ENOX1: variants seen among roughly 807,000 people sequenced by gnomAD.
ENOX1 encodes ecto-NOX disulfide-thiol exchanger 1, also known as candidate growth-related and time keeping constitutive hydroquinone (NADH) oxidase.
ENOX1 carries 42 observed loss-of-function variants against 82.5 expected under a neutral mutation model. The observed-to-expected ratio is 0.51, with a 90% CI of 0.40 to 0.66. The LOEUF is 0.66. Ranked by LOEUF, ENOX1 falls within the 30% of genes least tolerant of loss-of-function variation. The probability of loss-of-function intolerance (pLI) is 0.00; values close to 1 mark genes in which losing one functional copy is unlikely to be tolerated. For synonymous variants in ENOX1, 271 were observed against 282.2 expected, an observed-to-expected ratio of 0.96 and a Z score of 0.40; for missense variants, 608 against 811.6, an observed-to-expected ratio of 0.75 and a Z score of 3.05.
rs35793831 is a variant in ENOX1, at chr13:43,651,970, CAAAAAAAAAAAA to C, written c.-219+15497_-219+15508del. ...GGGCAACAAGAGTGAAACTTCGTCT[CAAAAAAAAAAAA>C]AAAAAAAAAAAACTTCACTTTGAAT... On this transcript the variant is annotated intron_variant, in intron 2 of 16. Transcript: ENST00000690772. 5.9e-5 allele frequency among the ~76,000 whole-genome samples: 5 copies of C among 84,106 alleles called. 1 individual carries two copies. Among genetic ancestry groups the C allele is most frequent in the African/African-American group, 2.5e-4 (5 of 19,822 alleles). The allele number at this position is 84,106 out of a possible 152,430, so 55.2% of individuals were successfully genotyped here.
At chr13:43,306,226 G>A (rs531546013) in intron 11 of ENOX1, among the ~76,000 whole-genome samples, 1 of 152,170 alleles carries the variant, frequency 6.6e-6, no homozygotes, top group African/African-American at 2.4e-5. Context: ...CAAAAGATTC[G>A]GCGATCTCCA....
chr13:43,214,280 G>A (rs2041345341), intron 16 of ENOX1, among the ~76,000 whole-genome samples, 159 bp from the exon 17 acceptor site: 1 of 152,166 alleles, frequency 6.6e-6, no homozygotes, highest in Non-Finnish European at 1.5e-5. Flanking sequence ...CAGAAGTACT[G>A]AATGTGATTA....
intron 1 of ENOX1, among the ~76,000 whole-genome samples, chr13:43,712,484 T>C (rs1162804097): frequency 4.6e-5 from 7 of 152,138 alleles, no homozygotes; most frequent in Admixed American, 1.3e-4. Context: ...GGAGATGGCA[T>C]TGAATCTATA....
chr13:43,567,462 T>C (rs577597150), intron 2 of ENOX1, among the ~76,000 whole-genome samples: 20 of 152,072 alleles, frequency 1.3e-4, no homozygotes, highest in Non-Finnish European at 2.8e-4. Context: ...ATGGGACAAA[T>C]CATATCCAGG....
At chr13:43,357,228 C>T (rs1275406390) in intron 7 of ENOX1, among the ~76,000 whole-genome samples, 2 of 152,146 alleles carry the variant, frequency 1.3e-5, no homozygotes, top group African/African-American at 4.8e-5. Context: ...TGAGATACAA[C>T]TGTAAAATGC....
At chr13:43,737,499 T>G (rs1022050052) in intron 1 of ENOX1, among the ~76,000 whole-genome samples, 3 of 152,200 alleles carry the variant, frequency 2.0e-5, no homozygotes, top group African/African-American at 7.2e-5. Flanking sequence ...ATGCTGCTTC[T>G]GTTTGGTTCA....
At chr13:43,726,737 TGTGTGTGTGTGTGTGTGA>T (rs2088990202) in intron 1 of ENOX1, among the ~76,000 whole-genome samples, 3 of 118,250 alleles carry the variant, frequency 2.5e-5, no homozygotes, top group African/African-American at 1.2e-4. Context: ...TGTGTGTGTG[TGTGTGTGTGTGTGTGTGA>T]GAGAGAGACA....
chr13:43,292,127 A>C (rs2046034165), intron 12 of ENOX1, among the ~76,000 whole-genome samples: 1 of 152,170 alleles, frequency 6.6e-6, no homozygotes, highest in African/African-American at 2.4e-5. Flanking sequence ...TAAACAACTA[A>C]TCCTGGAGTA....
At chr13:43,489,969 C>A (rs1310567496) in intron 2 of ENOX1, among the ~76,000 whole-genome samples, 3 of 152,108 alleles carry the variant, frequency 2.0e-5, no homozygotes, top group Non-Finnish European at 2.9e-5. Context: ...GACAGAATGT[C>A]GCTCTGTCAC....
At chr13:43,313,101 G>T (rs1176636159) in intron 11 of ENOX1, among the ~76,000 whole-genome samples, 1 of 152,126 alleles carries the variant, frequency 6.6e-6, no homozygotes, top group Admixed American at 6.5e-5. Context: ...CCATAACAGG[G>T]TCATTAACCT....
chr13:43,353,194 T>C (rs1045602808), intron 8 of ENOX1, among the ~76,000 whole-genome samples: 11 of 152,194 alleles, frequency 7.2e-5, no homozygotes, highest in African/African-American at 2.4e-4. Flanking sequence ...TAGATCCAAA[T>C]AGCAGAAGAA....
intron 1 of ENOX1, among the ~76,000 whole-genome samples, chr13:43,725,004 G>C (rs536781253): frequency 1.2e-4 from 19 of 152,274 alleles, no homozygotes; most frequent in South Asian, 1.0e-3. Context: ...AGAGGGCACA[G>C]CTGCCTCCAC....
chr13:43,527,382 T>C (rs985417193), intron 2 of ENOX1, among the ~76,000 whole-genome samples: 1 of 152,150 alleles, frequency 6.6e-6, no homozygotes, highest in African/African-American at 2.4e-5. Flanking sequence ...ATGACCACTA[T>C]ACAATGTTAC....
chr13:43,644,447 A>G (rs905071504), intron 2 of ENOX1, among the ~76,000 whole-genome samples: 3 of 152,194 alleles, frequency 2.0e-5, no homozygotes, highest in African/African-American at 7.2e-5. Flanking sequence ...GATGATTTTT[A>G]AATGACGACT....
intron 1 of ENOX1, among the ~76,000 whole-genome samples, chr13:43,753,593 C>T (rs1950434411): frequency 6.6e-6 from 1 of 152,140 alleles, no homozygotes; most frequent in African/African-American, 2.4e-5. Flanking sequence ...AAGTTGTTCA[C>T]AACTACCCAT....
intron 16 of ENOX1, among the ~76,000 whole-genome samples, chr13:43,220,284 G>C (rs1242504241): frequency 6.6e-6 from 1 of 152,048 alleles, no homozygotes; most frequent in African/African-American, 2.4e-5. Context: ...GTAGAAAGAG[G>C]AGAAAGGAAA....
intron 12 of ENOX1, among the ~76,000 whole-genome samples, chr13:43,289,908 A>G (rs1444082250): frequency 6.6e-6 from 1 of 152,148 alleles, no homozygotes; most frequent in African/African-American, 2.4e-5. Flanking sequence ...TAAAAAATGG[A>G]CAAGGCACAT....
chr13:43,446,846 G>A (rs911891971), intron 3 of ENOX1, among the ~76,000 whole-genome samples: 1 of 152,184 alleles, frequency 6.6e-6, no homozygotes, highest in African/African-American at 2.4e-5. Flanking sequence ...AGTACTCTTT[G>A]ACTAAAGTTT....
rs537124200 is a variant in ENOX1, at chr13:43,674,266, A to G, written c.-284-6722T>C. On this transcript the variant is annotated intron_variant, in intron 1 of 16. Transcript: ENST00000690772. Reference sequence around the variant, plus strand: ...ACAAGACTCTCACTCCCACAGAGCTAAAGTTCTAATGGGAAAGACAGGTGA... The same window carrying G: ...ACAAGACTCTCACTCCCACAGAGCTGAAGTTCTAATGGGAAAGACAGGTGA... Among the ~76,000 whole-genome samples, 13 of 152,342 alleles carry G rather than the reference A, an allele frequency of 8.5e-5. No homozygotes were observed. The East Asian group carries it at 2.3e-3, about 27-fold the overall frequency.
Sources: allele counts gnomAD v4.1 joint callset (sites outside exome capture counted in the v4.1 genomes callset), GRCh38; gene constraint gnomAD v4.1.1; transcripts MANE v1.5; gene names NCBI Gene and HGNC (gene_info 2026-07-23, HGNC 2026-07-21).